PRDM6: variants seen among roughly 807,000 people sequenced by gnomAD.
PRDM6 encodes PR/SET domain 6.
In PRDM6, 25 loss-of-function variants were observed where a neutral mutation model predicts 60.8. The observed-to-expected ratio is 0.41, with a 90% CI of 0.30 to 0.57. The LOEUF is 0.57. Among genes scored for constraint, PRDM6 ranks in the 20% least tolerant of loss-of-function variants. The pLI, the probability that PRDM6 is intolerant of heterozygous loss-of-function variation, is 0.27. For missense variants in PRDM6, 839 were observed against 821.3 expected, an observed-to-expected ratio of 1.02 and a Z score of -0.26; for synonymous variants, 407 against 357.4, an observed-to-expected ratio of 1.14 and a Z score of -1.57.
chr5:123,145,150 CCT>C (rs2126864407), intron 3 of PRDM6, among the ~76,000 whole-genome samples: 1 of 152,286 alleles, frequency 6.6e-6, no homozygotes, highest in Non-Finnish European at 1.5e-5. Context: ...ATTAGCTTTG[CCT>C]CTCTTTAAGT....
At chr5:123,156,138 T>A (rs1041198604) in intron 4 of PRDM6, 127 bp downstream of exon 4, 2 of 930,700 alleles carry the variant, frequency 2.1e-6, no homozygotes, top group Non-Finnish European at 3.1e-6. Context: ...AGACATTTTT[T>A]TTTTTTGCTA....
At chr5:123,117,760 C>T (rs1409132668) in intron 3 of PRDM6, among the ~76,000 whole-genome samples, 1 of 107,200 alleles carries the variant, frequency 9.3e-6, no homozygotes, top group African/African-American at 3.6e-5. Context: ...AATGTGAAGG[C>T]CTAAACAGCA....
intron 3 of PRDM6, among the ~76,000 whole-genome samples, chr5:123,149,798 C>T (rs888421306): frequency 3.3e-5 from 5 of 152,094 alleles, no homozygotes; most frequent in African/African-American, 7.2e-5. Flanking sequence ...CTCCTGTATT[C>T]CCTTGATGTC....
chr5:123,094,633 A>G (rs1281603612), intron 2 of PRDM6, among the ~76,000 whole-genome samples: 6 of 152,130 alleles, frequency 3.9e-5, no homozygotes, highest in African/African-American at 2.4e-5. Context: ...ATCTCCATCG[A>G]TATGTGCCAC....
chr5:123,155,806 TA>T (rs1291725468), intron 3 of PRDM6, 77 bp from the exon 4 acceptor site: 1 of 1,491,704 alleles, frequency 6.7e-7, no homozygotes, highest in African/African-American at 1.4e-5. Flanking sequence ...AGCTGACACA[TA>T]AAGACACCAA....
At chr5:123,176,519 T>TG (rs1766014955) in intron 6 of PRDM6, among the ~76,000 whole-genome samples, 1 of 152,146 alleles carries the variant, frequency 6.6e-6, no homozygotes, top group Admixed American at 6.5e-5. Flanking sequence ...GAGACCAGCC[T>TG]GGGCAACCTG....
intron 3 of PRDM6, among the ~76,000 whole-genome samples, chr5:123,116,081 G>A (rs1326800821): frequency 6.6e-6 from 1 of 152,120 alleles, no homozygotes; most frequent in Non-Finnish European, 1.5e-5. Context: ...TCAAATGCAG[G>A]GAGTGCTCCG....
intron 3 of PRDM6, among the ~76,000 whole-genome samples, chr5:123,129,270 C>CT (rs1213717564): frequency 6.6e-6 from 1 of 152,132 alleles, no homozygotes; most frequent in East Asian, 1.9e-4. Flanking sequence ...TCCATATGAA[C>CT]TTTAAAGTAG....
chr5:123,180,991 G>A lies in PRDM6; in HGVS notation c.1673+668G>A, dbSNP rs565121947. 4.6e-5 allele frequency among the ~76,000 whole-genome samples: 7 copies of A among 152,326 alleles called. No individual in the cohort carries two copies. The South Asian group carries it at 1.5e-3, about 32-fold the overall frequency. On this transcript the variant is annotated intron_variant, in intron 7 of 7. Transcript: ENST00000407847. The stretch of plus-strand genomic sequence containing the variant: ...TTCTAAGGGCTTTGGCAAGATAATG[G>A]CATCTGAGCAAGAGAGTGTGTTTCT...
chr5:123,187,057 G>A (rs1436654781), intron 7 of PRDM6, 30 bp from the exon 8 acceptor site: 1 of 1,508,912 alleles, frequency 6.6e-7, no homozygotes, highest in Non-Finnish European at 9.0e-7. Context: ...CCCGCTCCCT[G>A]GTCTCAATTT....
chr5:123,125,873 A>G (rs1320812145), intron 3 of PRDM6, among the ~76,000 whole-genome samples: 1 of 152,134 alleles, frequency 6.6e-6, no homozygotes, highest in African/African-American at 2.4e-5. Flanking sequence ...CTGGGGAGAA[A>G]CTGTAGAATA....
intron 3 of PRDM6, among the ~76,000 whole-genome samples, chr5:123,129,023 C>T (rs193189871): frequency 0.013 from 1,979 of 152,294 alleles, 19 homozygotes; most frequent in Middle Eastern, 0.054. Flanking sequence ...AATAGGGAAT[C>T]GTTTCCCCAT....
At chr5:123,142,903 C>CCAAAAAAAAAAAAAAAA (rs1765143929) in intron 3 of PRDM6, among the ~76,000 whole-genome samples, 1 of 68,128 alleles carries the variant, frequency 1.5e-5, no homozygotes, top group Non-Finnish European at 2.8e-5. Flanking sequence ...AAAAAAAAAA[C>CCAAAAAAAAAAAAAAAA]AAACAAACCA....
chr5:123,104,983 TAA>T (rs34647797), intron 3 of PRDM6, among the ~76,000 whole-genome samples: 22,251 of 152,056 alleles, frequency 0.15, 2,022 homozygotes, highest in Non-Finnish European at 0.21. Flanking sequence ...AATTCTGCTT[TAA>T]AAAAAAATTA....
At position 123,187,255 on chromosome 5, in the gene PRDM6, G is replaced by T. The variant is rs2126895644; in HGVS notation, c.*54G>T. 1 of 1,389,790 alleles carries T rather than the reference G, an allele frequency of 7.2e-7. No individual in the cohort carries two copies. Among genetic ancestry groups the T allele is most frequent in the East Asian group, 2.5e-5 (1 of 39,656 alleles). The allele number at this position is 1,389,790 out of a possible 1,614,324, so 86.1% of individuals were successfully genotyped here. A position where few individuals can be genotyped will look rare whatever the true frequency, so the allele number is the denominator to read the frequency against. On this transcript the variant is annotated 3_prime_UTR_variant, in exon 8 of 8. Transcript: ENST00000407847. ...AGGAAAGTCATGATTAAATGTCACG[G>T]ACACTTAAGCAAAACCAAAGATTTC...
intron 3 of PRDM6, among the ~76,000 whole-genome samples, chr5:123,149,277 C>T (rs570440115): frequency 6.6e-6 from 1 of 152,274 alleles, no homozygotes; most frequent in South Asian, 2.1e-4. Flanking sequence ...CTCTGTGGAT[C>T]TGAGGCTCCA....
chr5:123,190,567 T>C lies in PRDM6; in HGVS notation c.*3366T>C, dbSNP rs1046877983. 7.2e-5 allele frequency: 11 copies of C among 152,216 alleles called. No individual in the cohort carries two copies. The highest frequency in any genetic ancestry group is 2.4e-4 in the African/African-American group (10 of 41,460). 9.4% of individuals were successfully genotyped at this position (152,216 alleles called of 1,614,324 possible). ...TTATTGTGTTCATTTAAATGTAGCCTTCTTGGGAAACTATGTATAACAGGA... is the reference window on the plus strand; with the variant it reads ...TTATTGTGTTCATTTAAATGTAGCCCTCTTGGGAAACTATGTATAACAGGA... On this transcript the variant is annotated 3_prime_UTR_variant, in exon 8 of 8. Transcript: ENST00000407847.
intron 2 of PRDM6, among the ~76,000 whole-genome samples, chr5:123,091,672 G>A (rs1763844119): frequency 6.6e-6 from 1 of 152,206 alleles, no homozygotes; most frequent in African/African-American, 2.4e-5. Context: ...GAGACTTCTG[G>A]AGATAACATT....
At chr5:123,176,897 T>G (rs1403808625) in intron 6 of PRDM6, among the ~76,000 whole-genome samples, 1 of 152,196 alleles carries the variant, frequency 6.6e-6, no homozygotes, top group East Asian at 1.9e-4. Flanking sequence ...GTCTTACCTT[T>G]TGGTCAGACC....
Sources: gnomAD v4.1 joint callset for allele counts (sites outside exome capture counted in the v4.1 genomes callset) on GRCh38, gnomAD v4.1.1 for gene constraint, MANE v1.5 for transcripts, NCBI Gene and HGNC (gene_info 2026-07-23, HGNC 2026-07-21) for gene names.